Variants in DLG2 observed in about 807,000 individuals in gnomAD.
DLG2 encodes disks large homolog 2.
A neutral mutation model predicts 132.5 loss-of-function variants in DLG2; 45 were observed. The observed-to-expected ratio is 0.34, with a 90% CI of 0.27 to 0.44. The LOEUF (loss-of-function observed/expected upper bound fraction) is 0.44. Among genes scored for constraint, DLG2 ranks in the 20% least tolerant of loss-of-function variants. The pLI, the probability that DLG2 is intolerant of heterozygous loss-of-function variation, is 1.00. For synonymous variants in DLG2, 424 were observed against 419.6 expected (o/e 1.01, Z -0.13); for missense variants, 1,045 against 1,196.9 (o/e 0.87, Z 1.87).
chr11:84,675,519 C>T (rs191025725), intron 6 of DLG2, among the ~76,000 whole-genome samples: 132 of 152,178 alleles, frequency 8.7e-4, no homozygotes, highest in African/African-American at 3.1e-3. Flanking sequence ...TTGCTTGTTA[C>T]AGCTCATAAA....
chr11:85,161,324 C>A (rs569280323), intron 4 of DLG2, among the ~76,000 whole-genome samples: 4 of 152,296 alleles, frequency 2.6e-5, no homozygotes, highest in African/African-American at 9.6e-5. Context: ...ATGGGCTCAG[C>A]AACATGCAGT....
chr11:84,672,058 T>A (rs1471183569), intron 6 of DLG2, among the ~76,000 whole-genome samples: 1 of 152,168 alleles, frequency 6.6e-6, no homozygotes, highest in South Asian at 2.1e-4. Context: ...AAACATTTAT[T>A]GTGCACTAAT....
chr11:84,656,240 G>A (rs1314977295), intron 6 of DLG2, among the ~76,000 whole-genome samples: 1 of 152,068 alleles, frequency 6.6e-6, no homozygotes, highest in Non-Finnish European at 1.5e-5. Context: ...ACTCTTCCAT[G>A]TGTATAACCA....
chr11:85,248,298 AC>A (rs1384232093), intron 4 of DLG2, among the ~76,000 whole-genome samples: 1 of 152,000 alleles, frequency 6.6e-6, no homozygotes, highest in Non-Finnish European at 1.5e-5. Flanking sequence ...GCATATTTAT[AC>A]CTTTTTGTTG....
intron 6 of DLG2, among the ~76,000 whole-genome samples, chr11:84,749,005 A>C (rs1411307054): frequency 6.6e-6 from 1 of 152,190 alleles, no homozygotes; most frequent in Non-Finnish European, 1.5e-5. Context: ...CCAATCTCTA[A>C]TAAAATAAAT....
intron 6 of DLG2, among the ~76,000 whole-genome samples, chr11:84,618,056 CG>C (rs2099607571): frequency 1.3e-5 from 2 of 151,990 alleles, no homozygotes; most frequent in South Asian, 4.1e-4. Context: ...GAAACTTAAA[CG>C]CTGAAGTATC....
chr11:84,603,437 A>T (rs2099580180), intron 6 of DLG2, among the ~76,000 whole-genome samples: 1 of 152,010 alleles, frequency 6.6e-6, no homozygotes, highest in Admixed American at 6.6e-5. Flanking sequence ...CAATTTGCTC[A>T]TCTGTAGAAG....
chr11:83,730,033 A>G (rs1242626489), intron 18 of DLG2, among the ~76,000 whole-genome samples: 1 of 152,158 alleles, frequency 6.6e-6, no homozygotes, highest in Non-Finnish European at 1.5e-5. Context: ...GAGTTTACTA[A>G]GTAAAAATAC....
intron 11 of DLG2, among the ~76,000 whole-genome samples, chr11:84,044,746 A>G (rs755688158): frequency 6.6e-6 from 1 of 151,672 alleles, no homozygotes; most frequent in South Asian, 2.1e-4. Context: ...GACTTTCTCA[A>G]TCACAAGTTT....
At chr11:85,422,454 T>G (rs936237116) in intron 3 of DLG2, among the ~76,000 whole-genome samples, 3 of 152,124 alleles carry the variant, frequency 2.0e-5, no homozygotes, top group African/African-American at 7.2e-5. Context: ...AATTTCTTTC[T>G]TCTACTTGTT....
chr11:83,462,937 C>G (rs2090314840), intron 26 of DLG2, among the ~76,000 whole-genome samples: 1 of 151,662 alleles, frequency 6.6e-6, no homozygotes, highest in Non-Finnish European at 1.5e-5. Context: ...TCCGGGTCTT[C>G]CAGGTGTTAA....
chr11:84,934,280 T>A (rs1256965935), intron 6 of DLG2, among the ~76,000 whole-genome samples: 1 of 152,064 alleles, frequency 6.6e-6, no homozygotes, highest in African/African-American at 2.4e-5. Flanking sequence ...TTGCTAGTAT[T>A]TTGTTGAAAA....
intron 6 of DLG2, among the ~76,000 whole-genome samples, chr11:84,739,157 T>G (rs1042867540): frequency 1.3e-5 from 2 of 152,154 alleles, no homozygotes; most frequent in African/African-American, 4.8e-5. Context: ...AGATCAAATT[T>G]ACATCAAGTT....
rs59726661 is a variant in DLG2, at chr11:85,600,083, A to G, written c.-92-1295T>C. On this transcript the variant is annotated intron_variant, in intron 2 of 27. Coordinates refer to ENST00000376104, the MANE Select transcript of DLG2 (RefSeq NM_001142699.3). ...AGCTGATGGTATTACTTCCTATTAC[A>G]TGGAAAATCAGAAGGCAGATTCCAC... is the stretch of plus-strand genomic sequence containing the variant. Among the ~76,000 whole-genome samples, 1,339 of 152,240 alleles carry G rather than the reference A, an allele frequency of 8.8e-3. 21 individuals carry two copies. Among genetic ancestry groups the G allele is most frequent in the African/African-American group, 0.031 (1,302 of 41,540 alleles).
chr11:84,800,705 G>C (rs1427846368), intron 6 of DLG2: 2 of 152,128 alleles, frequency 1.3e-5, no homozygotes, highest in Admixed American at 6.5e-5. Flanking sequence ...GACACCTGCT[G>C]TTTGTCTAAT....
rs2076966908 is a variant in DLG2, at chr11:85,261,980, GA to G, written c.186+23239del. On this transcript the variant is annotated intron_variant, in intron 4 of 27. Coordinates refer to ENST00000376104, the MANE Select transcript of DLG2 (RefSeq NM_001142699.3). ...AGCCAGTTGGGGTGAATGGGAGAGAGAAAAAAGTTCATCTAAAATGTCAGGA... is the reference window on the plus strand; with the variant it reads ...AGCCAGTTGGGGTGAATGGGAGAGAGAAAAAGTTCATCTAAAATGTCAGGA... Among the ~76,000 whole-genome samples, 3 of 152,248 alleles carry G rather than the reference GA, an allele frequency of 2.0e-5. No homozygotes were observed. The South Asian group carries it at 6.2e-4, about 32-fold the overall frequency.
At chr11:85,298,816 G>A (rs920135016) in intron 3 of DLG2, among the ~76,000 whole-genome samples, 2 of 151,996 alleles carry the variant, frequency 1.3e-5, no homozygotes, top group Non-Finnish European at 2.9e-5. Context: ...CTTGTTCCCA[G>A]GAGATACACT....
chr11:84,284,915 T>C (rs2097893700), intron 7 of DLG2, among the ~76,000 whole-genome samples: 2 of 152,226 alleles, frequency 1.3e-5, no homozygotes, highest in African/African-American at 4.8e-5. Flanking sequence ...CAAAGGTTTC[T>C]TAAATAAATA....
At chr11:84,500,397 A>G (rs902680205) in intron 7 of DLG2, among the ~76,000 whole-genome samples, 1 of 152,098 alleles carries the variant, frequency 6.6e-6, no homozygotes, top group Non-Finnish European at 1.5e-5. Flanking sequence ...TAAATTAAGG[A>G]AAAAATAAAT....
Sources: gnomAD v4.1 joint callset for allele counts (sites outside exome capture counted in the v4.1 genomes callset) on GRCh38, gnomAD v4.1.1 for gene constraint, MANE v1.5 for transcripts, NCBI Gene and HGNC (gene_info 2026-07-23, HGNC 2026-07-21) for gene names.